The following PTPRM variants were observed in gnomAD, a reference collection of about 807,000 sequenced individuals.
PTPRM encodes protein tyrosine phosphatase receptor type M.
PTPRM carries 47 observed loss-of-function variants against 186.7 expected under a neutral mutation model. The ratio of observed to expected loss-of-function variants is 0.25; its 90% CI spans 0.20 to 0.32. PTPRM has a LOEUF of 0.32. Ranked by LOEUF, PTPRM falls within the 10% of genes least tolerant of loss-of-function variation. PTPRM has a pLI of 1.00. For missense variants in PTPRM, 1,494 were observed against 1,865.0 expected (o/e 0.80, Z 3.66); for synonymous variants, 668 against 674.9 (o/e 0.99, Z 0.16).
intron 19 of PTPRM, among the ~76,000 whole-genome samples, chr18:8,258,091 ATGCTGAAT>A (rs1181719891): frequency 1.1e-4 from 16 of 152,368 alleles, no homozygotes; most frequent in Admixed American, 7.2e-4. Context: ...AGAAGTAAAC[ATGCTGAAT>A]TGAACAGAAA....
chr18:7,581,804 C>A (rs950038235), intron 1 of PTPRM, among the ~76,000 whole-genome samples: 1 of 151,572 alleles, frequency 6.6e-6, no homozygotes, highest in African/African-American at 2.4e-5. Flanking sequence ...AAGCAGCATG[C>A]GGCACTATTC....
rs1599551277 is a variant in PTPRM, at chr18:7,926,642, G to A, written c.622G>A (p.Ala208Thr). ...AGQFATFQCSAIGRTVAGDRL... is the reference protein window; with the variant it reads ...AGQFATFQCSTIGRTVAGDRL... ...CCAGTTTGCTACCTTCCAGTGCAGT[G>A]CCATCGGCAGGACCGTGGCAGGAGA... is the stretch of plus-strand genomic sequence containing the variant. The change falls in exon 5 of 33, where the codon GCC becomes ACC. Residue 208 changes from alanine to threonine, a missense_variant. Coordinates refer to ENST00000580170, the MANE Select transcript of PTPRM (RefSeq NM_001105244.2). 1.2e-6 allele frequency: 2 copies of A among 1,613,614 alleles called. No homozygotes were observed. Among genetic ancestry groups the A allele is most frequent in the Non-Finnish European group, 1.7e-6 (2 of 1,179,936 alleles).
chr18:8,140,357 C>G (rs889616722), intron 13 of PTPRM, among the ~76,000 whole-genome samples: 3 of 151,964 alleles, frequency 2.0e-5, no homozygotes, highest in African/African-American at 7.3e-5. Context: ...TAATGTTGAA[C>G]ACTGGGCCAA....
intron 7 of PTPRM, among the ~76,000 whole-genome samples, chr18:7,965,637 G>A (rs968083990): frequency 4.6e-5 from 7 of 152,152 alleles, no homozygotes; most frequent in African/African-American, 1.4e-4. Context: ...GCCAGTCTTA[G>A]CCTTTGTCTT....
intron 13 of PTPRM, among the ~76,000 whole-genome samples, chr18:8,125,261 C>T (rs990542510): frequency 1.3e-5 from 2 of 150,954 alleles, no homozygotes; most frequent in South Asian, 2.1e-4. Flanking sequence ...GTTCATTGAA[C>T]GGCCCAGTTG....
chr18:8,136,764 T>C (rs1274392686), intron 13 of PTPRM, among the ~76,000 whole-genome samples: 1 of 148,038 alleles, frequency 6.8e-6, no homozygotes, highest in African/African-American at 2.5e-5. Context: ...TGTTTTGTGA[T>C]TATGTATAAT....
chr18:7,623,064 A>G (rs998962632), intron 1 of PTPRM, among the ~76,000 whole-genome samples: 4 of 152,138 alleles, frequency 2.6e-5, no homozygotes, highest in African/African-American at 9.7e-5. Context: ...TTTTTATTTT[A>G]TAAATTCTCA....
At chr18:7,683,094 C>T (rs1260123461) in intron 1 of PTPRM, among the ~76,000 whole-genome samples, 1 of 151,698 alleles carries the variant, frequency 6.6e-6, no homozygotes, top group African/African-American at 2.4e-5. Flanking sequence ...AGAACAGTCT[C>T]ATGTCAGGCT....
intron 1 of PTPRM, among the ~76,000 whole-genome samples, chr18:7,615,265 C>A (rs1420743095): frequency 6.6e-6 from 1 of 152,078 alleles, no homozygotes; most frequent in African/African-American, 2.4e-5. Flanking sequence ...AAAAATCACC[C>A]ATGATCTTAT....
chr18:8,160,810 G>T (rs1013810508), intron 14 of PTPRM, among the ~76,000 whole-genome samples: 2 of 152,178 alleles, frequency 1.3e-5, no homozygotes, highest in Non-Finnish European at 2.9e-5. Context: ...TCCTCCAAGG[G>T]TGTTTGATAA....
chr18:7,915,025 T>C (rs1471900751), intron 4 of PTPRM, among the ~76,000 whole-genome samples: 1 of 152,180 alleles, frequency 6.6e-6, no homozygotes, highest in African/African-American at 2.4e-5. Flanking sequence ...CTTCTCTGAT[T>C]TTGTTGCTAG....
intron 2 of PTPRM, among the ~76,000 whole-genome samples, chr18:7,842,930 G>GTGTGTATATATATATATATATA (rs377182615): frequency 2.0e-5 from 2 of 100,938 alleles, no homozygotes; most frequent in Non-Finnish European, 3.5e-5. Context: ...GTGTGTGTGT[G>GTGTGTATATATATATATATATA]TATATATATA....
Position 7,910,974 on chromosome 18 carries a change from CTTG to C in PTPRM, c.547+4397_547+4399del, listed in dbSNP as rs946842003. ...CTAGCCCTAGGCAACCATTAATTTA[CTTG>C]TTGTTCCTGTAGATTTGCTTGTTCT... On this transcript the variant is annotated intron_variant, in intron 4 of 32. Transcript: ENST00000580170. 3.3e-5 allele frequency among the ~76,000 whole-genome samples: 5 copies of C among 152,316 alleles called. No individual in the cohort carries two copies. In the East Asian group the frequency reaches 7.7e-4, roughly 24 times the overall value.
At chr18:8,170,425 T>C (rs1036517351) in intron 14 of PTPRM, among the ~76,000 whole-genome samples, 11 of 152,080 alleles carry the variant, frequency 7.2e-5, no homozygotes, top group Non-Finnish European at 2.9e-5. Context: ...TGAGCGTTTG[T>C]TGTTATTAAA....
At chr18:7,814,124 A>G (rs2044678499) in intron 2 of PTPRM, 1 of 152,184 alleles carries the variant, frequency 6.6e-6, no homozygotes, top group Admixed American at 6.5e-5. Flanking sequence ...ATGGTATACA[A>G]CTTGTGAGGT....
chr18:7,714,316 C>A (rs185810986), intron 1 of PTPRM, among the ~76,000 whole-genome samples: 1 of 152,024 alleles, frequency 6.6e-6, no homozygotes, highest in Admixed American at 6.6e-5. Context: ...TCATTGAAAC[C>A]CAGGAGAACA....
At chr18:8,230,317 G>C (rs2094270923) in intron 14 of PTPRM, among the ~76,000 whole-genome samples, 1 of 152,172 alleles carries the variant, frequency 6.6e-6, no homozygotes, top group Admixed American at 6.5e-5. Context: ...CTCTAGAGTG[G>C]GCTTCTTAAG....
chr18:7,906,366 C>A (rs1052148754), intron 3 of PTPRM, 139 bp from the exon 4 acceptor site: 1 of 681,504 alleles, frequency 1.5e-6, no homozygotes. Flanking sequence ...GAACCTGGAA[C>A]ATTGACTAGC....
chr18:8,179,046 G>A (rs1201237912), intron 14 of PTPRM, among the ~76,000 whole-genome samples: 1 of 152,096 alleles, frequency 6.6e-6, no homozygotes, highest in Non-Finnish European at 1.5e-5. Flanking sequence ...AAGGTATGAG[G>A]CCAGCTTTCC....
Sources: allele counts gnomAD v4.1 joint callset (sites outside exome capture counted in the v4.1 genomes callset), GRCh38; gene constraint gnomAD v4.1.1; transcripts MANE v1.5; gene names NCBI Gene and HGNC (gene_info 2026-07-23, HGNC 2026-07-21).